Variants in SHISA9 observed in about 807,000 individuals in gnomAD.
SHISA9 encodes the protein shisa family member 9.
SHISA9 carries 13 observed loss-of-function variants against 38.0 expected under a neutral mutation model. The observed-to-expected ratio is 0.34, with a 90% CI of 0.22 to 0.54. SHISA9 has a LOEUF of 0.54. Among genes scored for constraint, SHISA9 ranks in the 20% least tolerant of loss-of-function variants. The pLI is 0.91. For synonymous variants in SHISA9, 275 were observed against 242.0 expected, an observed-to-expected ratio of 1.14 and a Z score of -1.27; for missense variants, 538 against 575.8, an observed-to-expected ratio of 0.93 and a Z score of 0.67.
At chr16:13,055,669 C>T (rs1405866619) in intron 2 of SHISA9, among the ~76,000 whole-genome samples, 1 of 152,150 alleles carries the variant, frequency 6.6e-6, no homozygotes, top group Non-Finnish European at 1.5e-5. Context: ...CCCTCCATGC[C>T]CACTCACCCT....
chr16:13,062,585 G>A (rs1596620492), intron 2 of SHISA9, among the ~76,000 whole-genome samples: 2 of 152,122 alleles, frequency 1.3e-5, no homozygotes, highest in African/African-American at 4.8e-5. Context: ...ATTAGTTGAG[G>A]GTGTGAGTTA....
chr16:12,909,363 T>A, intron 1 of SHISA9: 2 of 985,478 alleles, frequency 2.0e-6, no homozygotes, highest in Non-Finnish European at 2.4e-6. Flanking sequence ...AAATAATTGA[T>A]GCTTCTTGTG....
At chr16:13,391,375 A>C in the SHISA9 span, among the ~76,000 whole-genome samples, 9 of 152,214 alleles carry the variant, frequency 5.9e-5, no homozygotes, top group Admixed American at 5.2e-4. Flanking sequence ...GCAGAGATTT[A>C]GCTCCTTCAC....
At chr16:13,443,883 AAC>A in the SHISA9 span, among the ~76,000 whole-genome samples, 1 of 152,148 alleles carries the variant, frequency 6.6e-6, no homozygotes, top group Non-Finnish European at 1.5e-5. Context: ...ATCTTGTTTA[AAC>A]ACAGTTTCCT....
At chr16:12,978,042 GA>G (rs2072188302) in intron 2 of SHISA9, among the ~76,000 whole-genome samples, 1 of 152,158 alleles carries the variant, frequency 6.6e-6, no homozygotes. Flanking sequence ...AAAGATGGGG[GA>G]GAGGTAGGAT....
the SHISA9 span, among the ~76,000 whole-genome samples, chr16:13,451,494 C>T: frequency 6.6e-6 from 1 of 152,078 alleles, no homozygotes; most frequent in Non-Finnish European, 1.5e-5. Flanking sequence ...ATCCAAGATG[C>T]TGTGATAGAG....
At chr16:13,025,451 G>C (rs1016884208) in intron 2 of SHISA9, among the ~76,000 whole-genome samples, 1 of 152,182 alleles carries the variant, frequency 6.6e-6, no homozygotes, top group African/African-American at 2.4e-5. Context: ...AACTTTGGAG[G>C]AACTCCTGGA....
chr16:13,304,635 A>G, the SHISA9 span, among the ~76,000 whole-genome samples: 1 of 152,116 alleles, frequency 6.6e-6, no homozygotes, highest in African/African-American at 2.4e-5. Context: ...ATTTATTGTG[A>G]ATTTGTGTTG....
chr16:13,534,923 T>C, the SHISA9 span, among the ~76,000 whole-genome samples: 1 of 152,228 alleles, frequency 6.6e-6, no homozygotes, highest in Non-Finnish European at 1.5e-5. Flanking sequence ...ATCCCAGAAA[T>C]AACATTGCTC....
At chr16:13,536,436 C>A in the SHISA9 span, among the ~76,000 whole-genome samples, 2,696 of 152,326 alleles carry the variant, frequency 0.018, 30 homozygotes, top group Middle Eastern at 0.044. Context: ...GGAATTTTGT[C>A]TCTCTCATTG....
At chr16:13,105,866 G>A (rs1322227062) in intron 2 of SHISA9, among the ~76,000 whole-genome samples, 3 of 152,144 alleles carry the variant, frequency 2.0e-5, no homozygotes, top group Admixed American at 1.3e-4. Flanking sequence ...TTGAAGTTGA[G>A]AGCGCCCTTT....
chr16:13,374,885 G>T, the SHISA9 span, among the ~76,000 whole-genome samples: 3 of 152,208 alleles, frequency 2.0e-5, no homozygotes. Context: ...GTATCTCATT[G>T]TGGTTTTGAG....
At chr16:13,550,550 A>G in the SHISA9 span, among the ~76,000 whole-genome samples, 3 of 152,176 alleles carry the variant, frequency 2.0e-5, no homozygotes, top group Non-Finnish European at 4.4e-5. Context: ...TTGGATGTGC[A>G]GTTTGTTGGA....
intron 2 of SHISA9, among the ~76,000 whole-genome samples, chr16:12,970,374 T>C (rs1298261296): frequency 1.3e-5 from 1 of 75,454 alleles, no homozygotes; most frequent in Non-Finnish European, 2.5e-5. Context: ...TATATACATA[T>C]ATATATACAT....
the SHISA9 span, among the ~76,000 whole-genome samples, chr16:13,481,490 T>C: frequency 2.6e-5 from 4 of 152,228 alleles, no homozygotes; most frequent in African/African-American, 9.6e-5. Context: ...AACCATGCTG[T>C]AGAGGTGCAT....
intron 1 of SHISA9, among the ~76,000 whole-genome samples, chr16:12,903,166 G>T (rs1461701379): frequency 6.6e-6 from 1 of 152,190 alleles, no homozygotes; most frequent in African/African-American, 2.4e-5. Context: ...AGGGGAGGGC[G>T]AGAACAAAAG....
the SHISA9 span, among the ~76,000 whole-genome samples, chr16:13,505,316 T>C: frequency 5.9e-5 from 9 of 152,206 alleles, no homozygotes; most frequent in African/African-American, 1.9e-4. Flanking sequence ...TCCTCTCTCC[T>C]GGGAATGGTG....
chr16:13,074,496 T>A (rs896426340), intron 2 of SHISA9, among the ~76,000 whole-genome samples: 1 of 152,246 alleles, frequency 6.6e-6, no homozygotes, highest in African/African-American at 2.4e-5. Context: ...TTGAGAGCAT[T>A]TAGCCTTGAG....
chr16:13,072,924 T>C (rs1596628744), intron 2 of SHISA9, among the ~76,000 whole-genome samples: 1 of 152,096 alleles, frequency 6.6e-6, no homozygotes, highest in African/African-American at 2.4e-5. Flanking sequence ...GCCTCCCAAA[T>C]TGCTGGGATT....
Sources: gnomAD v4.1 joint callset for allele counts (sites outside exome capture counted in the v4.1 genomes callset) on GRCh38, gnomAD v4.1.1 for gene constraint, MANE v1.5 for transcripts, NCBI Gene and HGNC (gene_info 2026-07-23, HGNC 2026-07-21) for gene names.